Variants in FRY observed in about 807,000 individuals in gnomAD.
FRY encodes the protein protein furry homolog.
A neutral mutation model predicts 348.4 loss-of-function variants in FRY; 128 were observed. The observed-to-expected ratio is 0.37, with a 90% CI of 0.32 to 0.43. The LOEUF is 0.43. Ranked by LOEUF, FRY falls within the 20% of genes least tolerant of loss-of-function variation. FRY has a pLI of 1.00. For missense variants in FRY, 2,736 were observed against 3,695.2 expected, an observed-to-expected ratio of 0.74 and a Z score of 6.73; for synonymous variants, 1,370 against 1,374.7, an observed-to-expected ratio of 1.00 and a Z score of 0.08.
In FRY at chr13:32,237,084, C is replaced by A. The variant is rs1886264859; in HGVS notation, c.5811-295C>A. 6.6e-6 allele frequency among the ~76,000 whole-genome samples: 1 copy of A among 152,094 alleles called. No homozygotes were observed. The highest frequency in any genetic ancestry group is 1.5e-5 in the Non-Finnish European group (1 of 68,014). On this transcript the variant is annotated intron_variant, in intron 43 of 60. Coordinates refer to ENST00000542859, the MANE Select transcript of FRY (RefSeq NM_023037.3). This position sits in a 1 kb window ranked among gnomAD's most constrained non-coding sequence, Gnocchi z 6.3. ...TCAGGTACATTTTATTTCATAATTA[C>A]TCCTACCCAAATTCAAGCAAAACAT...
intron 11 of FRY, among the ~76,000 whole-genome samples, chr13:32,141,719 A>G (rs1302753979): frequency 6.6e-6 from 1 of 152,228 alleles, no homozygotes; most frequent in Non-Finnish European, 1.5e-5. Flanking sequence ...CCAAGTTATC[A>G]GTGAATTCAC....
intron 14 of FRY, among the ~76,000 whole-genome samples, chr13:32,153,390 C>T (rs1474093572): frequency 6.6e-6 from 1 of 152,126 alleles, no homozygotes; most frequent in African/African-American, 2.4e-5. Flanking sequence ...CTGATACTTG[C>T]AATAACATCT....
intron 55 of FRY, 28 bp downstream of exon 55, chr13:32,267,387 G>T: frequency 6.3e-7 from 1 of 1,598,892 alleles, no homozygotes; most frequent in South Asian, 1.1e-5. Context: ...AAGTGCAGAG[G>T]ACTTAGTTTC....
At chr13:32,036,438 T>C (rs1218111664) in intron 1 of FRY, among the ~76,000 whole-genome samples, 1 of 152,014 alleles carries the variant, frequency 6.6e-6, no homozygotes, top group Admixed American at 6.5e-5. Flanking sequence ...ATAGAAAGGA[T>C]CTATCCCTGG....
chr13:32,212,838 T>C (rs938009936), intron 35 of FRY, among the ~76,000 whole-genome samples: 2 of 152,188 alleles, frequency 1.3e-5, no homozygotes, highest in Admixed American at 6.5e-5. Context: ...ACACTATCTT[T>C]TCCTGCTAAA....
At chr13:32,217,279 C>T (rs1269110763) in intron 35 of FRY, among the ~76,000 whole-genome samples, 1 of 152,090 alleles carries the variant, frequency 6.6e-6, no homozygotes. Context: ...GTTGATAAAA[C>T]CTGCTGTGTA....
At chr13:32,050,444 G>T (rs1873263954) in intron 1 of FRY, among the ~76,000 whole-genome samples, 1 of 152,174 alleles carries the variant, frequency 6.6e-6, no homozygotes, top group African/African-American at 2.4e-5. Flanking sequence ...GCTTGGTCCT[G>T]CAGTGACACA....
At position 32,261,675 on chromosome 13, in the gene FRY, T is replaced by A. The variant is rs750748868; in HGVS notation, c.7476T>A (p.Asp2492Glu). ...GCAGACGTTCTCTGGACAGCCTGGATAAGTGTGATATGCAGATTCTGGAGG... is the reference window on the plus strand; with the variant it reads ...GCAGACGTTCTCTGGACAGCCTGGAAAAGTGTGATATGCAGATTCTGGAGG... ...GVRRRSLDSLDKCDMQILEER... is the reference protein window; with the variant it reads ...GVRRRSLDSLEKCDMQILEER... Residue 2492 changes from aspartate (D) to glutamate (E), a missense_variant, in exon 52 of 61, where the codon GAT becomes GAA. Transcript: ENST00000542859. 12 of 1,614,138 alleles carry A rather than the reference T, an allele frequency of 7.4e-6. 1 individual carries two copies. The South Asian group carries it at 1.3e-4, about 18-fold the overall frequency.
chr13:32,193,518 T>A (rs574041084), intron 28 of FRY, among the ~76,000 whole-genome samples: 1 of 152,028 alleles, frequency 6.6e-6, no homozygotes, highest in African/African-American at 2.4e-5. Context: ...GTATATTGGA[T>A]TTTTTAAACC....
chr13:32,201,824 G>A, intron 29 of FRY, 117 bp from the exon 30 acceptor site: 1 of 727,676 alleles, frequency 1.4e-6, no homozygotes, highest in Non-Finnish European at 2.5e-6. Context: ...ACGGGGGTAA[G>A]AATGTCACTA....
In FRY at chr13:32,124,279, T is replaced by A. The variant is rs745640754; in HGVS notation, c.465-7T>A. On this transcript the variant is annotated splice_polypyrimidine_tract_variant and splice_region_variant and intron_variant, in intron 4 of 60. Transcript: ENST00000542859. ...GTGCTTTAATGTAAATATTTTAAAT[T>A]TTACAGCGATGAACAACAGCGAGAT... The A allele has an allele frequency of 1.9e-6, 3 of 1,541,862 alleles. No homozygotes were observed. The South Asian group carries it at 3.4e-5, about 17-fold the overall frequency.
intron 3 of FRY, among the ~76,000 whole-genome samples, chr13:32,111,600 G>A (rs886829706): frequency 6.6e-6 from 1 of 152,192 alleles, no homozygotes; most frequent in Non-Finnish European, 1.5e-5. Context: ...AAGAAGGACA[G>A]ATAATTGAGA....
chr13:32,113,465 C>A (rs980978681), intron 3 of FRY, among the ~76,000 whole-genome samples: 31 of 152,162 alleles, frequency 2.0e-4, no homozygotes, highest in African/African-American at 7.5e-4. Flanking sequence ...ACATAAACTG[C>A]CAAAGTAAAC....
intron 11 of FRY, among the ~76,000 whole-genome samples, chr13:32,146,493 G>A (rs1039233800): frequency 1.3e-5 from 2 of 151,864 alleles, no homozygotes; most frequent in South Asian, 2.1e-4. Flanking sequence ...CCGCCACCAG[G>A]CCCAGCTAAT....
intron 33 of FRY, 123 bp from the exon 34 acceptor site, chr13:32,210,743 A>T (rs1884636875): frequency 1.3e-6 from 1 of 778,794 alleles, no homozygotes; most frequent in South Asian, 1.5e-5. Flanking sequence ...TAGCACAAAG[A>T]TTAGCTATCA....
intron 1 of FRY, among the ~76,000 whole-genome samples, chr13:32,057,695 C>T (rs1304667820): frequency 6.6e-6 from 1 of 152,176 alleles, no homozygotes; most frequent in African/African-American, 2.4e-5. Context: ...CATGGTGGCT[C>T]ACACCTGTAA....
chr13:32,249,678 G>A lies in FRY; in HGVS notation c.7161G>A (p.Gln2387=), dbSNP rs767582295. ...VLVPVSWKRP[Q]YSQKRTKEKL... ...TTCCAGTGAGCTGGAAAAGGCCCCA[G>A]TATTCTCAGGTATGCAATCCTAGAC... is the stretch of plus-strand genomic sequence containing the variant. The change falls in exon 49 of 61, where the codon CAG becomes CAA. Residue 2387 remains glutamine (Q), a synonymous_variant. Transcript: ENST00000542859. 4 of 1,613,866 alleles carry A rather than the reference G, an allele frequency of 2.5e-6. No individual in the cohort carries two copies. Among genetic ancestry groups the A allele is most frequent in the Admixed American group, 3.3e-5 (2 of 60,002 alleles).
In FRY at chr13:32,157,368, G is replaced by A. The variant is rs771730003; in HGVS notation, c.1747G>A (p.Val583Ile). ...AGGAAGGTGTATGATGCTGACTAAT[G>A]TACAGATGTTAAACAAAGAACCGGA... ...EVGRCMMLTN[V>I]QMLNKEPEDM... Residue 583 changes from valine to isoleucine, a missense_variant, in exon 16 of 61, where the codon GTA (valine) becomes ATA (isoleucine). Val to Ile is a conservative substitution (Grantham distance 29, BLOSUM62 3). Coordinates refer to ENST00000542859, the MANE Select transcript of FRY (RefSeq NM_023037.3). 3.7e-6 allele frequency: 6 copies of A among 1,613,384 alleles called. No homozygotes were observed. The highest frequency in any genetic ancestry group is 5.1e-6 in the Non-Finnish European group (6 of 1,179,450).
intron 7 of FRY, among the ~76,000 whole-genome samples, chr13:32,127,949 A>G (rs1879127993): frequency 6.6e-6 from 1 of 152,208 alleles, no homozygotes. Context: ...TTTCCTTAGT[A>G]TCGTGTCATC....
Sources: allele counts gnomAD v4.1 joint callset (sites outside exome capture counted in the v4.1 genomes callset), GRCh38; gene constraint gnomAD v4.1.1; non-coding constraint Gnocchi (gnomAD v3.1); transcripts MANE v1.5; gene names NCBI Gene and HGNC (gene_info 2026-07-23, HGNC 2026-07-21).